PDE3A: variants seen among roughly 807,000 people sequenced by gnomAD.
The protein encoded by PDE3A is phosphodiesterase 3A, also known as cGMP-inhibited 3',5'-cyclic phosphodiesterase 3A.
PDE3A carries 43 observed loss-of-function variants against 98.3 expected under a neutral mutation model. That is an observed-to-expected ratio of 0.44 (90% CI 0.34 to 0.56). The LOEUF (loss-of-function observed/expected upper bound fraction) is 0.56, where lower values mean the gene tolerates loss of function less well. PDE3A is among the 20% of genes least tolerant of loss of function. The pLI is 0.01. For missense variants in PDE3A, 1,427 were observed against 1,440.7 expected (o/e 0.99, Z 0.15); for synonymous variants, 663 against 567.9 (o/e 1.17, Z -2.38).
At chr12:20,372,262 T>C (rs966072029) in intron 1 of PDE3A, among the ~76,000 whole-genome samples, 4 of 152,308 alleles carry the variant, frequency 2.6e-5, no homozygotes, top group African/African-American at 9.6e-5. Context: ...CGCAATCTAT[T>C]TCTGTAATTT....
intron 1 of PDE3A, among the ~76,000 whole-genome samples, chr12:20,434,529 T>C (rs1944749744): frequency 6.6e-6 from 1 of 152,162 alleles, no homozygotes; most frequent in African/African-American, 2.4e-5. Flanking sequence ...GTGAGGACTA[T>C]ACCTGTTAAC....
chr12:20,546,014 T>C (rs572025680), intron 1 of PDE3A, among the ~76,000 whole-genome samples: 4 of 152,058 alleles, frequency 2.6e-5, no homozygotes, highest in African/African-American at 9.6e-5. Flanking sequence ...AATAGAGGTA[T>C]TGTGTTTATG....
At chr12:20,515,538 T>C (rs1946303445) in intron 1 of PDE3A, among the ~76,000 whole-genome samples, 1 of 152,212 alleles carries the variant, frequency 6.6e-6, no homozygotes, top group African/African-American at 2.4e-5. Context: ...ATGCTAGCCC[T>C]CTGGACACTC....
intron 14 of PDE3A, 120 bp from the exon 15 acceptor site, chr12:20,653,827 T>C (rs1175462269): frequency 2.9e-6 from 3 of 1,022,026 alleles, no homozygotes; most frequent in Non-Finnish European, 4.4e-6. Flanking sequence ...ACCTTAGCAC[T>C]TGAGGTAGGA....
At chr12:20,662,951 G>A (rs376442345) in intron 15 of PDE3A, among the ~76,000 whole-genome samples, 18 of 152,300 alleles carry the variant, frequency 1.2e-4, no homozygotes, top group African/African-American at 4.3e-4. Flanking sequence ...AGAGGCCTAG[G>A]CAGAAAAAAC....
rs994761205 is a variant in PDE3A, at chr12:20,471,100, C to T, written c.961-85560C>T. Among the ~76,000 whole-genome samples, 7 of 148,882 alleles carry T rather than the reference C, an allele frequency of 4.7e-5. No individual in the cohort carries two copies. The East Asian group carries it at 1.3e-3, about 29-fold the overall frequency. Reference sequence around the variant, plus strand: ...TCTGTGTTTTAAGCCACCCAGTCTACAATATTTTGTTATTACAGCTTGAGC... The same window carrying T: ...TCTGTGTTTTAAGCCACCCAGTCTATAATATTTTGTTATTACAGCTTGAGC... On this transcript the variant is annotated intron_variant, in intron 1 of 15. Coordinates refer to ENST00000359062, the MANE Select transcript of PDE3A (RefSeq NM_000921.5).
At position 20,474,818 on chromosome 12, in the gene PDE3A, G is replaced by A. The variant is rs58561346; in HGVS notation, c.961-81842G>A. Among the ~76,000 whole-genome samples, 372 of 152,208 alleles carry A rather than the reference G, an allele frequency of 2.4e-3. 3 individuals carry two copies. Among genetic ancestry groups the A allele is most frequent in the African/African-American group, 8.5e-3 (354 of 41,520 alleles). ...TTAGGCTCCATTCAGATAATCGGGG[G>A]AATCTCCCTATCTCAAAATCCTTAA... On this transcript the variant is annotated intron_variant, in intron 1 of 15. Transcript: ENST00000359062.
intron 2 of PDE3A, among the ~76,000 whole-genome samples, chr12:20,578,813 A>C (rs934827011): frequency 2.0e-5 from 3 of 152,132 alleles, no homozygotes; most frequent in Non-Finnish European, 2.9e-5. Flanking sequence ...ATTGGAAAGG[A>C]TGCCGTCCTG....
chr12:20,615,023 T>C (rs868323488), intron 3 of PDE3A, among the ~76,000 whole-genome samples: 63 of 136,782 alleles, frequency 4.6e-4, no homozygotes, highest in Middle Eastern at 7.3e-3. Context: ...TTTCTTTTTT[T>C]TTTTTTTTTT....
intron 1 of PDE3A, among the ~76,000 whole-genome samples, chr12:20,501,312 A>C (rs1269489656): frequency 6.6e-6 from 1 of 152,168 alleles, no homozygotes. Flanking sequence ...ATCTTTGTAA[A>C]CATAAGTCTC....
intron 1 of PDE3A, among the ~76,000 whole-genome samples, chr12:20,425,331 A>G (rs1944585930): frequency 6.6e-6 from 1 of 152,102 alleles, no homozygotes; most frequent in Non-Finnish European, 1.5e-5. Context: ...AATATTTCTG[A>G]TGGTCTTGCC....
chr12:20,413,700 C>T (rs982725396), intron 1 of PDE3A, among the ~76,000 whole-genome samples: 1 of 151,990 alleles, frequency 6.6e-6, no homozygotes, highest in African/African-American at 2.4e-5. Context: ...TTGAAATGAA[C>T]CTTAAAGGAA....
At chr12:20,408,044 C>A (rs891951452) in intron 1 of PDE3A, among the ~76,000 whole-genome samples, 3 of 152,086 alleles carry the variant, frequency 2.0e-5, no homozygotes, top group Admixed American at 1.3e-4. Flanking sequence ...CCTCTGCATC[C>A]TAAGTAGCTG....
chr12:20,610,143 C>A (rs1943812463), intron 2 of PDE3A, among the ~76,000 whole-genome samples: 1 of 151,818 alleles, frequency 6.6e-6, no homozygotes, highest in Non-Finnish European at 1.5e-5. Flanking sequence ...ATTGGCAAAG[C>A]ATGTATCTGA....
Position 20,671,017 on chromosome 12 carries a change from A to G in PDE3A, c.3185-9013A>G, listed in dbSNP as rs923207544. 2.6e-5 allele frequency among the ~76,000 whole-genome samples: 3 copies of G among 113,432 alleles called. 1 individual carries two copies. The highest frequency in any genetic ancestry group is 1.1e-4 in the African/African-American group (3 of 26,150). The allele number at this position is 113,432 out of a possible 152,430, so 74.4% of individuals were successfully genotyped here. On this transcript the variant is annotated intron_variant, in intron 15 of 15. Transcript: ENST00000359062. ...CGCAATAAAATATGATAAAGGGGAT[A>G]TCACCACCGATCCCACAGAAATACG... is the stretch of plus-strand genomic sequence containing the variant.
chr12:20,656,826 T>C (rs1001248251), intron 15 of PDE3A, among the ~76,000 whole-genome samples: 1 of 152,202 alleles, frequency 6.6e-6, no homozygotes, highest in Non-Finnish European at 1.5e-5. Context: ...GATCCAGGCA[T>C]TGGGAATTGA....
rs576818378 is a variant in PDE3A, at chr12:20,592,754, C to CT, written c.1012-20687dup. On this transcript the variant is annotated intron_variant, in intron 2 of 15. Transcript: ENST00000359062. The stretch of plus-strand genomic sequence containing the variant: ...GAGTGTGTTTATTGCAGGCAGTTGC[C>CT]TTAAGTGACATGATACTCAGTAGGA... Among the ~76,000 whole-genome samples, 261 of 152,132 alleles carry CT rather than the reference C, an allele frequency of 1.7e-3. 1 individual carries two copies. Among genetic ancestry groups the CT allele is most frequent in the African/African-American group, 6.0e-3 (250 of 41,508 alleles).
At chr12:20,464,786 T>G (rs1357249005) in intron 1 of PDE3A, among the ~76,000 whole-genome samples, 1 of 152,202 alleles carries the variant, frequency 6.6e-6, no homozygotes, top group African/African-American at 2.4e-5. Context: ...CATTAGTTTC[T>G]CATGTGCAAA....
At position 20,683,023 on chromosome 12, in the gene PDE3A, A is replaced by G. The variant is rs1220744009; in HGVS notation, c.*2752A>G. The G allele has an allele frequency of 6.6e-6, 1 of 152,230 alleles. No homozygotes were observed. Among genetic ancestry groups the G allele is most frequent in the Non-Finnish European group, 1.5e-5 (1 of 68,048 alleles). 9.4% of individuals were successfully genotyped at this position (152,230 alleles called of 1,614,324 possible). On this transcript the variant is annotated 3_prime_UTR_variant, in exon 16 of 16. Transcript: ENST00000359062. ...TTAAGGTACAGGAAATAAGAGGAAT[A>G]ATAGTGGCCAAAGCAATTAGAACAT...
Sources: gnomAD v4.1 joint callset for allele counts (sites outside exome capture counted in the v4.1 genomes callset) on GRCh38, gnomAD v4.1.1 for gene constraint, MANE v1.5 for transcripts, NCBI Gene and HGNC (gene_info 2026-07-23, HGNC 2026-07-21) for gene names.